Variants in PRKCA observed in about 807,000 individuals in gnomAD.
The protein encoded by PRKCA is protein kinase C alpha.
Under a neutral mutation model 87.0 loss-of-function variants are expected in PRKCA, and 27 were observed. That is an observed-to-expected ratio of 0.31 (90% CI 0.23 to 0.43). The LOEUF (loss-of-function observed/expected upper bound fraction) is 0.43, where lower values mean the gene tolerates loss of function less well. Among genes scored for constraint, PRKCA ranks in the 20% least tolerant of loss-of-function variants. The probability of loss-of-function intolerance (pLI) is 1.00; values close to 1 mark genes in which losing one functional copy is unlikely to be tolerated. For synonymous variants in PRKCA, 329 were observed against 311.1 expected (o/e 1.06, Z -0.61); for missense variants, 518 against 852.3 (o/e 0.61, Z 4.88).
At chr17:66,745,018 G>T (rs1465168943) in intron 13 of PRKCA, among the ~76,000 whole-genome samples, 2 of 152,188 alleles carry the variant, frequency 1.3e-5, no homozygotes, top group Non-Finnish European at 2.9e-5. Context: ...GGCCCACTTG[G>T]ATAATCCAGG....
chr17:66,776,011 T>C (rs1975037387), intron 14 of PRKCA, among the ~76,000 whole-genome samples: 1 of 152,222 alleles, frequency 6.6e-6, no homozygotes, highest in Non-Finnish European at 1.5e-5. Context: ...GGGTTGTCTG[T>C]GTGCATATCT....
rs1434882333 is a variant in PRKCA, at chr17:66,688,826, C to T, written c.822-125C>T. Reference sequence around the variant, plus strand: ...AAAAATATAAAAATGTAAAAAAAGTCAAATGTCTACTGATCTGGCTGTAGC... The same window carrying T: ...AAAAATATAAAAATGTAAAAAAAGTTAAATGTCTACTGATCTGGCTGTAGC... On this transcript the variant is annotated intron_variant, in intron 7 of 16. Coordinates refer to ENST00000413366, the MANE Select transcript of PRKCA (RefSeq NM_002737.3). 3 of 666,708 alleles carry T rather than the reference C, an allele frequency of 4.5e-6. No homozygotes were observed. The African/African-American group carries it at 5.6e-5, about 12-fold the overall frequency. The allele number at this position is 666,708 out of a possible 1,614,324, so 41.3% of individuals were successfully genotyped here.
At chr17:66,489,369 A>G (rs1598714543) in intron 2 of PRKCA, among the ~76,000 whole-genome samples, 1 of 84,328 alleles carries the variant, frequency 1.2e-5, no homozygotes, top group Admixed American at 1.3e-4. Context: ...ATATATATAT[A>G]TATATATATA....
At chr17:66,801,341 C>T (rs543424634) in intron 16 of PRKCA, among the ~76,000 whole-genome samples, 1 of 152,180 alleles carries the variant, frequency 6.6e-6, no homozygotes, top group Non-Finnish European at 1.5e-5. Context: ...GCCTCTGCCC[C>T]CAGATGCCAG....
chr17:66,344,506 AAACAAC>A (rs200739056), intron 2 of PRKCA, among the ~76,000 whole-genome samples: 7 of 152,042 alleles, frequency 4.6e-5, no homozygotes, highest in African/African-American at 9.7e-5. Context: ...AACAAAAAAC[AAACAAC>A]AACAACAACA....
chr17:66,647,254 C>T (rs942006447), intron 5 of PRKCA, among the ~76,000 whole-genome samples: 7 of 152,164 alleles, frequency 4.6e-5, no homozygotes, highest in East Asian at 1.9e-4. Flanking sequence ...ACCTAGTCTC[C>T]GTAGGTGGTA....
intron 3 of PRKCA, among the ~76,000 whole-genome samples, chr17:66,616,856 G>A: frequency 6.6e-6 from 1 of 151,958 alleles, no homozygotes; most frequent in East Asian, 1.9e-4. Context: ...TGGGGCCAGG[G>A]AGCTGCTGTC....
chr17:66,741,783 A>G (rs370601231), intron 12 of PRKCA, 62 bp downstream of exon 12: 8 of 1,534,416 alleles, frequency 5.2e-6, no homozygotes, highest in Non-Finnish European at 7.2e-6. Flanking sequence ...CTCTGTGGGC[A>G]TGTCATTCTG....
chr17:66,682,999 T>C (rs1374851945), intron 5 of PRKCA, among the ~76,000 whole-genome samples: 1 of 152,166 alleles, frequency 6.6e-6, no homozygotes, highest in Non-Finnish European at 1.5e-5. Flanking sequence ...AAGCATTAAA[T>C]TACGTGATGA....
intron 2 of PRKCA, among the ~76,000 whole-genome samples, chr17:66,466,627 G>A (rs1479716932): frequency 6.6e-6 from 1 of 152,192 alleles, no homozygotes; most frequent in East Asian, 1.9e-4. Context: ...AGTCTGTGCT[G>A]TTAAGAATTG....
intron 2 of PRKCA, among the ~76,000 whole-genome samples, chr17:66,490,177 C>T (rs997182448): frequency 6.6e-6 from 1 of 152,004 alleles, no homozygotes; most frequent in African/African-American, 2.4e-5. Context: ...TCTTCCTATT[C>T]CTCTTATTTA....
At chr17:66,499,971 A>T (rs1005596700) in intron 3 of PRKCA, among the ~76,000 whole-genome samples, 8 of 152,158 alleles carry the variant, frequency 5.3e-5, no homozygotes, top group African/African-American at 1.9e-4. Flanking sequence ...CATATGCTGA[A>T]ACTTAACTGC....
At chr17:66,630,315 T>C (rs755604361) in intron 3 of PRKCA, among the ~76,000 whole-genome samples, 6 of 152,244 alleles carry the variant, frequency 3.9e-5, no homozygotes, top group Non-Finnish European at 5.9e-5. Flanking sequence ...GTAGATAGGC[T>C]AGAGAAAGAC....
chr17:66,347,140 T>G (rs1156513242), intron 2 of PRKCA, among the ~76,000 whole-genome samples: 1 of 152,178 alleles, frequency 6.6e-6, no homozygotes, highest in Non-Finnish European at 1.5e-5. Context: ...AAAGATTTAT[T>G]AATTGATTTA....
At chr17:66,732,925 C>T (rs1973939006) in intron 9 of PRKCA, 100 bp downstream of exon 9, 1 of 1,421,308 alleles carries the variant, frequency 7.0e-7, no homozygotes, top group Non-Finnish European at 9.5e-7. Context: ...TTAGATTTCC[C>T]TGTGATTCAA....
intron 3 of PRKCA, among the ~76,000 whole-genome samples, chr17:66,603,542 G>C (rs764838187): frequency 7.9e-5 from 12 of 152,184 alleles, no homozygotes; most frequent in Non-Finnish European, 1.5e-4. Context: ...GGTAGACAGA[G>C]AGAGAGGTGA....
chr17:66,519,573 T>G (rs1967088274), intron 3 of PRKCA, among the ~76,000 whole-genome samples: 1 of 152,174 alleles, frequency 6.6e-6, no homozygotes, highest in Non-Finnish European at 1.5e-5. Context: ...GTGATTCTTT[T>G]ACAAGTTATA....
intron 3 of PRKCA, among the ~76,000 whole-genome samples, chr17:66,607,420 C>T (rs1006621493): frequency 6.6e-6 from 1 of 152,174 alleles, no homozygotes; most frequent in African/African-American, 2.4e-5. Flanking sequence ...GACATGGATT[C>T]TCCACTTCAT....
chr17:66,391,521 G>T (rs562430636), intron 2 of PRKCA, among the ~76,000 whole-genome samples: 92 of 152,258 alleles, frequency 6.0e-4, no homozygotes, highest in Non-Finnish European at 1.1e-3. Flanking sequence ...CTACCACAGT[G>T]CCTGGAGGTG....
Sources: allele counts gnomAD v4.1 joint callset (sites outside exome capture counted in the v4.1 genomes callset), GRCh38; gene constraint gnomAD v4.1.1; transcripts MANE v1.5; gene names NCBI Gene and HGNC (gene_info 2026-07-23, HGNC 2026-07-21).